The following SCNN1B variants were observed in gnomAD, a reference collection of about 807,000 sequenced individuals.
SCNN1B encodes the protein sodium channel epithelial 1 subunit beta.
In SCNN1B, 46 loss-of-function variants were observed where a neutral mutation model predicts 65.3. The observed-to-expected ratio is 0.70, with a 90% CI of 0.56 to 0.90. The LOEUF (loss-of-function observed/expected upper bound fraction) is 0.90. Ranked by LOEUF, SCNN1B falls within the 40% of genes least tolerant of loss-of-function variation. SCNN1B has a pLI of 0.00. For synonymous variants in SCNN1B, 349 were observed against 330.6 expected, an observed-to-expected ratio of 1.06 and a Z score of -0.60; for missense variants, 751 against 830.5, an observed-to-expected ratio of 0.90 and a Z score of 1.18.
chr16:23,377,872 A>G (rs1359586716), intron 10 of SCNN1B, among the ~76,000 whole-genome samples: 1 of 152,140 alleles, frequency 6.6e-6, no homozygotes, highest in Non-Finnish European at 1.5e-5. Flanking sequence ...TTAGACAGAC[A>G]TAATCCTTTT....
At chr16:23,358,817 G>C (rs909710099) in intron 4 of SCNN1B, among the ~76,000 whole-genome samples, 1 of 152,218 alleles carries the variant, frequency 6.6e-6, no homozygotes, top group Non-Finnish European at 1.5e-5. Flanking sequence ...CGAGGCACGA[G>C]AATCACTTGA....
At chr16:23,308,590 C>T (rs192816140) in intron 1 of SCNN1B, among the ~76,000 whole-genome samples, 1 of 152,166 alleles carries the variant, frequency 6.6e-6, no homozygotes, top group East Asian at 1.9e-4. Flanking sequence ...TCAGAATGAG[C>T]CTTGCAATCT....
intron 4 of SCNN1B, among the ~76,000 whole-genome samples, chr16:23,356,394 G>A (rs1224499598): frequency 2.0e-5 from 3 of 151,856 alleles, no homozygotes; most frequent in Admixed American, 1.3e-4. Flanking sequence ...GGAGGCTAAG[G>A]CAGGAGGATC....
At chr16:23,377,710 TCCTC>T (rs1195280741) in intron 10 of SCNN1B, among the ~76,000 whole-genome samples, 3 of 43,892 alleles carry the variant, frequency 6.8e-5, no homozygotes, top group African/African-American at 1.2e-4. Context: ...TTCTTTCCTT[TCCTC>T]CTTCCTTCTC....
At chr16:23,293,716 C>T (rs1038480727) in intron 2 of SCNN1B, among the ~76,000 whole-genome samples, 1 of 151,796 alleles carries the variant, frequency 6.6e-6, no homozygotes, top group South Asian at 2.1e-4. Context: ...CACTTGAGTG[C>T]AGGAGTTTGA....
At chr16:23,350,857 G>A (rs1445944247) in intron 2 of SCNN1B, among the ~76,000 whole-genome samples, 1 of 152,070 alleles carries the variant, frequency 6.6e-6, no homozygotes, top group African/African-American at 2.4e-5. Context: ...AGGTTGCAGT[G>A]AGCCGAGATC....
intron 2 of SCNN1B, among the ~76,000 whole-genome samples, chr16:23,284,466 A>G (rs1960824455): frequency 6.6e-6 from 1 of 152,170 alleles, no homozygotes; most frequent in African/African-American, 2.4e-5. Flanking sequence ...CAGAGCATGG[A>G]TCTAAGATCA....
chr16:23,293,699 T>C (rs1376936811), intron 2 of SCNN1B, among the ~76,000 whole-genome samples: 1 of 150,588 alleles, frequency 6.6e-6, no homozygotes, highest in African/African-American at 2.4e-5. Context: ...GGCTGAGACA[T>C]GAGGATCACT....
intron 1 of SCNN1B, chr16:23,303,919 A>C (rs2141978183): frequency 4.1e-6 from 3 of 724,872 alleles, no homozygotes; most frequent in Non-Finnish European, 7.4e-6. Flanking sequence ...ACTCTGTTTC[A>C]GAAAAATAGA....
chr16:23,304,350 A>G (rs898921241), intron 1 of SCNN1B, among the ~76,000 whole-genome samples: 1 of 152,150 alleles, frequency 6.6e-6, no homozygotes, highest in Non-Finnish European at 1.5e-5. Flanking sequence ...GCAAGTGTAC[A>G]TGCATGCATA....
At chr16:23,365,546 A>G (rs1465550883) in intron 4 of SCNN1B, among the ~76,000 whole-genome samples, 3 of 109,462 alleles carry the variant, frequency 2.7e-5, no homozygotes, top group East Asian at 2.6e-4. Context: ...AAGGAAAGAG[A>G]AAGAAGGAAA....
At chr16:23,358,880 C>A (rs1433590756) in intron 4 of SCNN1B, among the ~76,000 whole-genome samples, 2 of 152,228 alleles carry the variant, frequency 1.3e-5, no homozygotes, top group Non-Finnish European at 2.9e-5. Flanking sequence ...GCACTCCCGC[C>A]TGGGCGACAG....
upstream of SCNN1B, among the ~76,000 whole-genome samples, chr16:23,301,442 G>GAGAAAGAAAGAAAA (rs149094748): frequency 0.032 from 4,737 of 149,712 alleles, 275 homozygotes; most frequent in African/African-American, 0.11. Context: ...AGAAAGGAAA[G>GAGAAAGAAAGAAAA]AGAAAGAAAG....
chr16:23,309,410 TGATA>T (rs58532372), intron 1 of SCNN1B, among the ~76,000 whole-genome samples: 33,229 of 150,804 alleles, frequency 0.22, 3,829 homozygotes, highest in East Asian at 0.29. Flanking sequence ...AGATAAATGA[TGATA>T]GATAGATAGA....
intron 1 of SCNN1B, among the ~76,000 whole-genome samples, chr16:23,330,157 G>C (rs569424920): frequency 5.9e-5 from 9 of 152,344 alleles, no homozygotes; most frequent in African/African-American, 1.9e-4. Flanking sequence ...GCCTTTGAGG[G>C]CCTTAGGAAA....
chr16:23,339,271 TTGG>T (rs1962004778), intron 1 of SCNN1B, among the ~76,000 whole-genome samples: 1 of 152,176 alleles, frequency 6.6e-6, no homozygotes, highest in African/African-American at 2.4e-5. Flanking sequence ...TCTTCCCCTG[TTGG>T]TGGACGTGTG....
upstream of SCNN1B, among the ~76,000 whole-genome samples, chr16:23,299,757 T>C (rs1228513141): frequency 2.0e-5 from 3 of 152,294 alleles, no homozygotes; most frequent in East Asian, 5.8e-4. Context: ...TGTAAATTAG[T>C]TCAACCATTG....
chr16:23,360,861 C>T (rs893543441), intron 4 of SCNN1B, among the ~76,000 whole-genome samples: 12 of 152,028 alleles, frequency 7.9e-5, no homozygotes, highest in African/African-American at 2.9e-4. Context: ...GTGGCACTAT[C>T]TCGGCTCACC....
At chr16:23,303,209 G>A (rs1056738822) in intron 1 of SCNN1B, among the ~76,000 whole-genome samples, 10 of 152,030 alleles carry the variant, frequency 6.6e-5, no homozygotes, top group Non-Finnish European at 1.3e-4. Context: ...CGTGGAGGGG[G>A]AAAATGAGGC....
Sources: allele counts gnomAD v4.1 joint callset (sites outside exome capture counted in the v4.1 genomes callset), GRCh38; gene constraint gnomAD v4.1.1; transcripts MANE v1.5; gene names NCBI Gene and HGNC (gene_info 2026-07-23, HGNC 2026-07-21).